The following THSD7B variants were observed in gnomAD, a reference collection of about 807,000 sequenced individuals.
THSD7B encodes thrombospondin type 1 domain containing 7B, also known as thrombospondin type-1 domain-containing protein 7B.
Under a neutral mutation model 213.6 loss-of-function variants are expected in THSD7B, and 138 were observed. The observed-to-expected ratio is 0.65, with a 90% CI of 0.56 to 0.74. The LOEUF is 0.74. THSD7B is among the 30% of genes least tolerant of loss of function. THSD7B has a pLI of 0.00. For synonymous variants in THSD7B, 742 were observed against 687.0 expected (o/e 1.08, Z -1.25); for missense variants, 1,931 against 1,991.5 (o/e 0.97, Z 0.58).
chr2:136,961,720 G>A (rs1364731189), intron 2 of THSD7B, among the ~76,000 whole-genome samples: 2 of 152,296 alleles, frequency 1.3e-5, no homozygotes, highest in East Asian at 1.9e-4. Flanking sequence ...GGGGAGTCAT[G>A]TGGCCTTCGC....
intron 10 of THSD7B, among the ~76,000 whole-genome samples, chr2:137,244,353 C>T (rs1251535665): frequency 1.3e-5 from 2 of 152,106 alleles, no homozygotes; most frequent in African/African-American, 4.8e-5. Context: ...AATACCCCAC[C>T]AGCAGCCAGA....
rs1682500578 is a variant in THSD7B, at chr2:137,620,609, C to A, written c.3682C>A (p.His1228Asn). 1 of 1,610,418 alleles carries A rather than the reference C, an allele frequency of 6.2e-7. No individual in the cohort carries two copies. Among genetic ancestry groups the A allele is most frequent in the African/African-American group, 1.3e-5 (1 of 74,922 alleles). ...AGTTGTGTTTCATTTCCATTTGCAG[C>A]ATAATTTGGAGAAGCCCCAGAGAAT... ...KPVSMDQCEQ[H>N]NLEKPQRMSI... The change falls in exon 20 of 28, where the codon CAT (histidine) becomes AAT (asparagine). Residue 1228 changes from histidine (H) to asparagine (N), a missense_variant and splice_region_variant. Physicochemically the swap from His to Asn is moderately conservative, Grantham distance 68. Coordinates refer to ENST00000409968, the MANE Select transcript of THSD7B (RefSeq NM_001316349.2).
chr2:137,622,903 A>G (rs554507823), intron 20 of THSD7B, among the ~76,000 whole-genome samples: 6 of 152,324 alleles, frequency 3.9e-5, no homozygotes, highest in African/African-American at 7.2e-5. Context: ...AGAGATACAA[A>G]GAGGAGCTGG....
intron 2 of THSD7B, among the ~76,000 whole-genome samples, chr2:137,012,506 G>A (rs1686250294): frequency 6.6e-6 from 1 of 152,166 alleles, no homozygotes; most frequent in Non-Finnish European, 1.5e-5. Context: ...TTTAACTCTC[G>A]AAGGGAAGTT....
In THSD7B at chr2:136,832,260, G is replaced by A. The variant is rs1051613786; in HGVS notation, c.-35-49884G>A. On this transcript the variant is annotated intron_variant, in intron 1 of 27. Coordinates refer to ENST00000409968, the MANE Select transcript of THSD7B (RefSeq NM_001316349.2). ...TACATATATCTCACACAGTTATGGAGGATGAGAAGTCCCATGATATGCCAT... is the reference window on the plus strand; with the variant it reads ...TACATATATCTCACACAGTTATGGAAGATGAGAAGTCCCATGATATGCCAT... Among the ~76,000 whole-genome samples the A allele has an allele frequency of 8.6e-5, 13 of 151,696 alleles. No homozygotes were observed. In the South Asian group the frequency reaches 1.9e-3, roughly 22 times the overall value.
intron 17 of THSD7B, among the ~76,000 whole-genome samples, chr2:137,587,382 C>T (rs570536755): frequency 6.6e-6 from 1 of 152,114 alleles, no homozygotes; most frequent in Non-Finnish European, 1.5e-5. Context: ...CTGGCGAGGG[C>T]CTGTGTTCCT....
chr2:137,260,464 T>A (rs1682414900), intron 10 of THSD7B, among the ~76,000 whole-genome samples: 1 of 152,154 alleles, frequency 6.6e-6, no homozygotes, highest in African/African-American at 2.4e-5. Context: ...AAAAAATTTC[T>A]TAAAAAGGTA....
intron 7 of THSD7B, among the ~76,000 whole-genome samples, chr2:137,223,553 G>A (rs984728059): frequency 6.6e-6 from 1 of 152,066 alleles, no homozygotes; most frequent in African/African-American, 2.4e-5. Flanking sequence ...TGACTACCAA[G>A]CTGAAAGGCT....
intron 21 of THSD7B, among the ~76,000 whole-genome samples, chr2:137,648,390 A>AG (rs36075828): frequency 0.22 from 34,089 of 151,848 alleles, 3,977 homozygotes; most frequent in African/African-American, 0.3. Flanking sequence ...CCTCACCCCT[A>AG]CGTTCCTTGC....
At chr2:136,859,836 A>G (rs1404094058) in intron 1 of THSD7B, among the ~76,000 whole-genome samples, 1 of 152,168 alleles carries the variant, frequency 6.6e-6, no homozygotes, top group Non-Finnish European at 1.5e-5. Flanking sequence ...GGAAGACCTG[A>G]GACACATTAG....
At chr2:137,538,817 C>T (rs151326402) in intron 15 of THSD7B, among the ~76,000 whole-genome samples, 21 of 151,710 alleles carry the variant, frequency 1.4e-4, no homozygotes, top group African/African-American at 4.8e-4. Context: ...ATATAATAGG[C>T]TCTGAAAAGA....
chr2:136,798,169 G>A (rs1439639879), intron 1 of THSD7B, among the ~76,000 whole-genome samples: 1 of 151,780 alleles, frequency 6.6e-6, no homozygotes, highest in Non-Finnish European at 1.5e-5. Context: ...GATTCTTTCA[G>A]TTTGATTATT....
chr2:137,367,686 C>G (rs1486984671), intron 12 of THSD7B, among the ~76,000 whole-genome samples: 2 of 152,104 alleles, frequency 1.3e-5, no homozygotes, highest in African/African-American at 4.8e-5. Flanking sequence ...GTTCTGGAGG[C>G]TGGAAGTCTG....
chr2:137,377,498 T>C (rs1256251507), intron 12 of THSD7B, among the ~76,000 whole-genome samples: 1 of 152,198 alleles, frequency 6.6e-6, no homozygotes, highest in African/African-American at 2.4e-5. Flanking sequence ...CTAAGATTTC[T>C]GGAAAGCTGC....
At chr2:136,802,625 T>A (rs1473913955) in intron 1 of THSD7B, among the ~76,000 whole-genome samples, 2 of 127,380 alleles carry the variant, frequency 1.6e-5, no homozygotes, top group Non-Finnish European at 3.3e-5. Flanking sequence ...TTAAAAATAA[T>A]TTATGAATTA....
At chr2:136,899,316 A>T (rs1375152721) in intron 2 of THSD7B, among the ~76,000 whole-genome samples, 8 of 152,188 alleles carry the variant, frequency 5.3e-5, no homozygotes, top group African/African-American at 1.4e-4. Context: ...ATCGTGTATT[A>T]TTACACACCT....
chr2:136,955,808 C>T (rs916069454), intron 2 of THSD7B, among the ~76,000 whole-genome samples: 3 of 152,008 alleles, frequency 2.0e-5, no homozygotes, highest in Non-Finnish European at 4.4e-5. Context: ...GCCTGCCCAC[C>T]ACACCTGGCT....
At chr2:137,642,331 G>A in intron 20 of THSD7B, 157 bp from the exon 21 acceptor site, 3 of 839,710 alleles carry the variant, frequency 3.6e-6, no homozygotes, top group Non-Finnish European at 5.4e-6. Context: ...TGTCTCTGTG[G>A]AACTCTAAAT....
chr2:137,088,170 G>C (rs1249272169), intron 3 of THSD7B, among the ~76,000 whole-genome samples: 1 of 152,052 alleles, frequency 6.6e-6, no homozygotes, highest in Non-Finnish European at 1.5e-5. Flanking sequence ...AACCCAGGAG[G>C]TGGAGGTTGC....
Sources: allele counts gnomAD v4.1 joint callset (sites outside exome capture counted in the v4.1 genomes callset), GRCh38; gene constraint gnomAD v4.1.1; transcripts MANE v1.5; gene names NCBI Gene and HGNC (gene_info 2026-07-23, HGNC 2026-07-21).